Variants in CDH9 observed in about 807,000 individuals in gnomAD.
CDH9 encodes cadherin-9.
CDH9 carries 28 observed loss-of-function variants against 70.9 expected under a neutral mutation model. The ratio of observed to expected loss-of-function variants is 0.40; its 90% confidence interval spans 0.29 to 0.54. CDH9 has a LOEUF of 0.54. Among genes scored for constraint, CDH9 ranks in the 20% least tolerant of loss-of-function variants. The probability of loss-of-function intolerance (pLI) is 0.59; values close to 1 mark genes in which losing one functional copy is unlikely to be tolerated. For missense variants in CDH9, 874 were observed against 984.4 expected (o/e 0.89, Z 1.50); for synonymous variants, 409 against 343.1 (o/e 1.19, Z -2.12).
At chr5:26,887,558 A>G (rs1740586232) in intron 9 of CDH9, among the ~76,000 whole-genome samples, 1 of 151,924 alleles carries the variant, frequency 6.6e-6, no homozygotes, top group South Asian at 2.1e-4. Flanking sequence ...AAAGACAAGC[A>G]TACTGATAGA....
chr5:27,005,709 T>C (rs1349620036), intron 1 of CDH9, among the ~76,000 whole-genome samples: 1 of 152,086 alleles, frequency 6.6e-6, no homozygotes, highest in Non-Finnish European at 1.5e-5. Context: ...CAAAGACACA[T>C]GTATGTGTAT....
intron 7 of CDH9, among the ~76,000 whole-genome samples, chr5:26,891,835 T>TA (rs1740665272): frequency 6.6e-6 from 1 of 152,184 alleles, no homozygotes; most frequent in African/African-American, 2.4e-5. Context: ...CACAAACCAA[T>TA]AAAAAATGAA....
intron 2 of CDH9, among the ~76,000 whole-genome samples, chr5:26,928,723 C>T (rs1741388593): frequency 6.6e-6 from 1 of 151,796 alleles, no homozygotes; most frequent in African/African-American, 2.4e-5. Context: ...ATAAAAGTGC[C>T]AAGAATATAT....
At chr5:27,000,298 AT>A (rs1336045291) in intron 1 of CDH9, among the ~76,000 whole-genome samples, 7 of 152,174 alleles carry the variant, frequency 4.6e-5, no homozygotes, top group African/African-American at 1.7e-4. Flanking sequence ...TGAATTGCAA[AT>A]TAAAACAAGA....
chr5:27,001,169 G>T (rs1742760612), intron 1 of CDH9, among the ~76,000 whole-genome samples: 1 of 152,096 alleles, frequency 6.6e-6, no homozygotes, highest in Non-Finnish European at 1.5e-5. Flanking sequence ...CTTCAGGAAA[G>T]AATTCAGGCT....
chr5:26,987,282 T>C (rs1455251120), intron 2 of CDH9, among the ~76,000 whole-genome samples: 3 of 151,956 alleles, frequency 2.0e-5, no homozygotes, highest in African/African-American at 7.2e-5. Context: ...GTAAAAATTT[T>C]AACATTCCTC....
intron 9 of CDH9, among the ~76,000 whole-genome samples, chr5:26,886,944 T>C (rs1237509377): frequency 6.6e-6 from 1 of 152,180 alleles, no homozygotes; most frequent in Non-Finnish European, 1.5e-5. Flanking sequence ...CGTTCTCTTC[T>C]ACAAAAATAG....
intron 1 of CDH9, among the ~76,000 whole-genome samples, 171 bp downstream of exon 1, chr5:27,038,292 C>T (rs1400336486): frequency 6.6e-6 from 1 of 151,830 alleles, no homozygotes. Context: ...AGCATGTAAA[C>T]ATTTTACTCA....
At chr5:26,954,159 A>T (rs1741899228) in intron 2 of CDH9, among the ~76,000 whole-genome samples, 1 of 152,048 alleles carries the variant, frequency 6.6e-6, no homozygotes, top group Non-Finnish European at 1.5e-5. Context: ...CAACTTCTTT[A>T]ATTCAGAGTG....
chr5:26,882,365 T>G (rs913030059), intron 11 of CDH9, among the ~76,000 whole-genome samples: 2 of 152,098 alleles, frequency 1.3e-5, no homozygotes, highest in Non-Finnish European at 2.9e-5. Flanking sequence ...GAATGAAACG[T>G]TAATTGTATT....
At chr5:26,881,763 A>T (rs1740470536) in intron 11 of CDH9, 140 bp from the exon 12 acceptor site, 2 of 729,832 alleles carry the variant, frequency 2.7e-6, no homozygotes, top group African/African-American at 3.6e-5. Flanking sequence ...GTACAAATAC[A>T]GAGTTCCTCT....
At chr5:26,949,402 A>C (rs1741807162) in intron 2 of CDH9, among the ~76,000 whole-genome samples, 1 of 152,226 alleles carries the variant, frequency 6.6e-6, no homozygotes, top group East Asian at 1.9e-4. Flanking sequence ...GGGAGATACA[A>C]CAAATGGAAA....
chr5:26,967,663 CTATTT>C (rs1332988210), intron 2 of CDH9, among the ~76,000 whole-genome samples: 1 of 151,958 alleles, frequency 6.6e-6, no homozygotes, highest in Non-Finnish European at 1.5e-5. Context: ...TCACAACATC[CTATTT>C]TAAGTTACAA....
At chr5:26,999,791 A>G (rs758523006) in intron 1 of CDH9, among the ~76,000 whole-genome samples, 6 of 152,118 alleles carry the variant, frequency 3.9e-5, no homozygotes, top group African/African-American at 9.7e-5. Flanking sequence ...TTCCAACTGT[A>G]TAGGAGGCTT....
At chr5:27,019,441 A>G (rs1743099769) in intron 1 of CDH9, among the ~76,000 whole-genome samples, 2 of 152,026 alleles carry the variant, frequency 1.3e-5, no homozygotes, top group Non-Finnish European at 2.9e-5. Flanking sequence ...TTTATAACCT[A>G]GAATTAATCC....
intron 2 of CDH9, among the ~76,000 whole-genome samples, chr5:26,967,251 G>C (rs1020008665): frequency 6.6e-6 from 1 of 151,970 alleles, no homozygotes; most frequent in Non-Finnish European, 1.5e-5. Context: ...ACTGCACCTG[G>C]CTTGTCTTTT....
chr5:27,008,504 T>C (rs1386328629), intron 1 of CDH9, among the ~76,000 whole-genome samples: 2 of 151,342 alleles, frequency 1.3e-5, no homozygotes, highest in Non-Finnish European at 2.9e-5. Context: ...AAAAAAAGTA[T>C]ATGTATAGCA....
At chr5:26,917,970 TA>T (rs1445675297) in intron 2 of CDH9, among the ~76,000 whole-genome samples, 2 of 152,210 alleles carry the variant, frequency 1.3e-5, no homozygotes, top group Non-Finnish European at 2.9e-5. Flanking sequence ...TGTTTGTTTT[TA>T]AATCTAAGTT....
chr5:26,915,740 T>G lies in CDH9; in HGVS notation c.413A>C (p.Gln138Pro), dbSNP rs1231214732. 3.1e-6 allele frequency: 5 copies of G among 1,613,636 alleles called. No homozygotes were observed. The highest frequency in any genetic ancestry group is 4.2e-6 in the Non-Finnish European group (5 of 1,179,582). Residue 138 changes from glutamine (Q) to proline (P), a missense_variant, in exon 3 of 12, where the codon CAG (glutamine) becomes CCG (proline). Coordinates refer to ENST00000231021, the MANE Select transcript of CDH9 (RefSeq NM_016279.4). ...AKAIDRKTGR[Q>P]VEPESEFIIK... is the part of the protein sequence containing the mutation. ...GATAAATTCCGATTCCGGTTCCACC[T>G]GCCGCCCAGTTTTTCTGTCTATAGC...
Sources: gnomAD v4.1 joint callset for allele counts (sites outside exome capture counted in the v4.1 genomes callset) on GRCh38, gnomAD v4.1.1 for gene constraint, MANE v1.5 for transcripts, NCBI Gene and HGNC (gene_info 2026-07-23, HGNC 2026-07-21) for gene names.